Variants in AARS1 observed in about 807,000 individuals in gnomAD.
The protein encoded by AARS1 is alanine--tRNA ligase, cytoplasmic.
AARS1 carries 72 observed loss-of-function variants against 108.9 expected under a neutral mutation model. The ratio of observed to expected loss-of-function variants is 0.66; its 90% CI spans 0.55 to 0.80. The LOEUF (loss-of-function observed/expected upper bound fraction) is 0.80, where lower values mean the gene tolerates loss of function less well. AARS1 is among the 30% of genes least tolerant of loss of function. The pLI, the probability that AARS1 is intolerant of heterozygous loss-of-function variation, is 0.00. For synonymous variants in AARS1, 489 were observed against 465.7 expected, an observed-to-expected ratio of 1.05 and a Z score of -0.64; for missense variants, 1,193 against 1,233.2, an observed-to-expected ratio of 0.97 and a Z score of 0.49.
At chr16:70,266,391 G>A (rs1322353041) in intron 9 of AARS1, among the ~76,000 whole-genome samples, 1 of 151,884 alleles carries the variant, frequency 6.6e-6, no homozygotes, top group African/African-American at 2.4e-5. Context: ...AGCTACTAGA[G>A]AGGCTGAGGC....
intron 1 of AARS1, among the ~76,000 whole-genome samples, chr16:70,285,502 G>A (rs951477782): frequency 4.6e-5 from 7 of 151,886 alleles, no homozygotes; most frequent in Admixed American, 1.3e-4. Context: ...AGGCTGGAGC[G>A]CTGTGGCGCA....
At chr16:70,255,935 G>C in intron 15 of AARS1, 99 bp from the exon 16 acceptor site, 1 of 1,121,376 alleles carries the variant, frequency 8.9e-7, no homozygotes, top group East Asian at 2.6e-5. Flanking sequence ...TGGGTTGACA[G>C]TCAGGGAAAG....
intron 20 of AARS1, 129 bp from the exon 21 acceptor site, chr16:70,253,035 G>C: frequency 8.8e-7 from 1 of 1,130,894 alleles, no homozygotes; most frequent in Non-Finnish European, 1.3e-6. Context: ...GGCCGAGACA[G>C]ACTTTACGGC....
intron 1 of AARS1, 97 bp from the exon 2 acceptor site, chr16:70,282,881 C>T (rs765387831): frequency 9.0e-6 from 11 of 1,217,560 alleles, no homozygotes; most frequent in Non-Finnish European, 1.3e-5. Context: ...AGTCAAAGCA[C>T]GACTCAGGTG....
intron 10 of AARS1, 192 bp from the exon 11 acceptor site, chr16:70,265,294 C>T: frequency 3.3e-6 from 3 of 912,706 alleles, no homozygotes; most frequent in Non-Finnish European, 1.7e-6. Context: ...TGCTGAGGGG[C>T]ACCCTGGCCT....
chr16:70,285,510 G>A (rs769509818), intron 1 of AARS1, among the ~76,000 whole-genome samples: 4 of 151,736 alleles, frequency 2.6e-5, no homozygotes, highest in Admixed American at 6.6e-5. Context: ...GCGCTGTGGC[G>A]CAATCTCAGC....
intron 1 of AARS1, among the ~76,000 whole-genome samples, chr16:70,284,130 T>A (rs867644459): frequency 1.8e-4 from 28 of 151,862 alleles, no homozygotes; most frequent in African/African-American, 6.0e-4. Context: ...TGAAACTCTG[T>A]CTCTACTAGA....
chr16:70,265,573 T>C lies in AARS1; in HGVS notation c.1312A>G (p.Met438Val), dbSNP rs1246753965. Residue 438 changes from methionine (M) to valine (V), a missense_variant, in exon 10 of 21, where the codon ATG (methionine) becomes GTG (valine). By Grantham distance (21) the Met-to-Val change is conservative. Transcript: ENST00000261772. The part of the protein sequence containing the change: ...IAEEKGLVVD[M>V]DGFEEERKLA... ...TTCCTCTCCTCTTCAAAGCCATCCA[T>C]GTCTACCACCAGGCCCTTCTCTTCA... The C allele has an allele frequency of 3.1e-6, 5 of 1,614,070 alleles. No individual in the cohort carries two copies. The highest frequency in any genetic ancestry group is 1.6e-4 in the Middle Eastern group (1 of 6,062).
chr16:70,264,731 A>T (rs1424577629), intron 11 of AARS1, among the ~76,000 whole-genome samples: 3 of 147,738 alleles, frequency 2.0e-5, no homozygotes, highest in African/African-American at 7.4e-5. Context: ...CTTCCTACAA[A>T]TTTTTTTTTT....
rs769424679 is a variant in AARS1 at position 70,261,138 on chromosome 16, T to C, written c.1691A>G (p.Lys564Arg). 6.2e-7 allele frequency: 1 copy of C among 1,613,560 alleles called. No homozygotes were observed. The highest frequency in any genetic ancestry group is 1.1e-5 in the South Asian group (1 of 91,080). The stretch of plus-strand genomic sequence containing the variant: ...ATACCCTCCTCGGACCTGAGCATTC[T>C]TCACTGTAAACTCTGTTTTCTAAGA... ...SSEDKTEFTV[K>R]NAQVRGGYVL... The change falls in exon 13 of 21, where the codon AAG becomes AGG. Residue 564 changes from lysine to arginine, a missense_variant. Transcript: ENST00000261772.
intron 11 of AARS1, among the ~76,000 whole-genome samples, chr16:70,262,967 CAAAAAAA>C (rs57444625): frequency 9.7e-4 from 20 of 20,582 alleles, no homozygotes; most frequent in African/African-American, 1.6e-3. Flanking sequence ...GACTCGGTCT[CAAAAAAA>C]AAAAAAAAAA....
chr16:70,288,056 C>T (rs1960899514), intron 1 of AARS1, among the ~76,000 whole-genome samples: 1 of 150,796 alleles, frequency 6.6e-6, no homozygotes, highest in Non-Finnish European at 1.5e-5. Flanking sequence ...TGAGCTACCG[C>T]GCCCGGCCAA....
chr16:70,265,734 T>C, intron 9 of AARS1, 72 bp from the exon 10 acceptor site: 1 of 1,593,292 alleles, frequency 6.3e-7, no homozygotes, highest in East Asian at 2.3e-5. Flanking sequence ...TCCAAAAGGA[T>C]GCTGGGACTG....
At chr16:70,269,847 G>A in intron 6 of AARS1, 84 bp from the exon 7 acceptor site, 1 of 1,559,214 alleles carries the variant, frequency 6.4e-7, no homozygotes, top group Non-Finnish European at 8.8e-7. Flanking sequence ...GGAGGATTGA[G>A]GAGCATTAGC....
At chr16:70,277,512 T>C (rs1960578094) in intron 2 of AARS1, among the ~76,000 whole-genome samples, 1 of 152,042 alleles carries the variant, frequency 6.6e-6, no homozygotes, top group African/African-American at 2.4e-5. Flanking sequence ...GAACTTATCC[T>C]GAAAATTGGT....
chr16:70,282,300 G>C (rs1045838849), intron 2 of AARS1, among the ~76,000 whole-genome samples: 3 of 130,204 alleles, frequency 2.3e-5, no homozygotes, highest in Non-Finnish European at 3.1e-5. Flanking sequence ...CTGCACTCCA[G>C]CCTGGATGAC....
intron 2 of AARS1, among the ~76,000 whole-genome samples, chr16:70,280,721 C>G (rs1408045411): frequency 1.3e-5 from 2 of 152,218 alleles, no homozygotes; most frequent in Admixed American, 1.3e-4. Flanking sequence ...TTTAGTGTCA[C>G]AGACATGCTG....
rs1462458743 is a variant in AARS1, at chr16:70,261,044, C to T, written c.1785G>A (p.Glu595=). The T allele has an allele frequency of 1.9e-6, 3 of 1,611,730 alleles. No homozygotes were observed. The highest frequency in any genetic ancestry group is 1.1e-5 in the South Asian group (1 of 91,024). Residue 595 remains glutamate, a splice_region_variant and synonymous_variant, in exon 13 of 21, where the codon GAG becomes GAA. Transcript: ENST00000261772. The part of the protein sequence containing the change: ...VGDQVWLFID[E]PRRRPIMSNH... ...TGGGGGCCACAGTAACCCAACTCACCTCATCAATAAACAGCCAGACCTGAT... is the reference window on the plus strand; with the variant it reads ...TGGGGGCCACAGTAACCCAACTCACTTCATCAATAAACAGCCAGACCTGAT...
chr16:70,258,139 G>A lies in AARS1; in HGVS notation c.2071C>T (p.Pro691Ser). ...GLRAVFDETY[P>S]DPVRVVSIGV... The stretch of plus-strand genomic sequence containing the variant: ...ATGGAGACGACTCGCACAGGGTCAG[G>A]ATAGGTCTCATCAAACACAGCCCGT... Residue 691 changes from proline (P) to serine (S), a missense_variant, in exon 15 of 21, where the codon CCT (proline) becomes TCT (serine). Coordinates refer to ENST00000261772, the MANE Select transcript of AARS1 (RefSeq NM_001605.3). 6.2e-7 allele frequency: 1 copy of A among 1,612,742 alleles called. No individual in the cohort carries two copies.
Sources: gnomAD v4.1 joint callset for allele counts (sites outside exome capture counted in the v4.1 genomes callset) on GRCh38, gnomAD v4.1.1 for gene constraint, MANE v1.5 for transcripts, NCBI Gene and HGNC (gene_info 2026-07-23, HGNC 2026-07-21) for gene names.